Variants in COP1 observed in about 807,000 individuals in gnomAD.
The protein encoded by COP1 is E3 ubiquitin-protein ligase COP1.
In COP1, 24 loss-of-function variants were observed where a neutral mutation model predicts 101.3. The ratio of observed to expected loss-of-function variants is 0.24; its 90% CI spans 0.17 to 0.33. The LOEUF (loss-of-function observed/expected upper bound fraction) is 0.33, where lower values mean the gene tolerates loss of function less well. Ranked by LOEUF, COP1 falls within the 10% of genes least tolerant of loss-of-function variation. The pLI is 1.00. For missense variants in COP1, 663 were observed against 906.2 expected (o/e 0.73, Z 3.45); for synonymous variants, 347 against 341.9 (o/e 1.01, Z -0.17).
At chr1:175,999,146 A>G (rs1490865736) in intron 15 of COP1, among the ~76,000 whole-genome samples, 1 of 152,128 alleles carries the variant, frequency 6.6e-6, no homozygotes, top group Non-Finnish European at 1.5e-5. Flanking sequence ...AAAATGTACA[A>G]TTAAATTATT....
chr1:176,109,026 C>T (rs768124134), intron 9 of COP1, among the ~76,000 whole-genome samples: 6 of 151,912 alleles, frequency 3.9e-5, no homozygotes, highest in South Asian at 4.2e-4. Context: ...GCTGGAGAAT[C>T]GCTTGAACCC....
chr1:176,038,033 A>G (rs1324049698), intron 14 of COP1, among the ~76,000 whole-genome samples: 5 of 152,244 alleles, frequency 3.3e-5, no homozygotes, highest in Non-Finnish European at 7.3e-5. Flanking sequence ...TTGGCTATGT[A>G]GAAAATCCCA....
intron 15 of COP1, among the ~76,000 whole-genome samples, chr1:175,997,673 G>A (rs1289452735): frequency 6.6e-6 from 1 of 152,194 alleles, no homozygotes; most frequent in Non-Finnish European, 1.5e-5. Context: ...GGCTATCAGA[G>A]AAATGTAAAT....
intron 18 of COP1, among the ~76,000 whole-genome samples, chr1:175,955,405 T>G (rs1650497492): frequency 6.6e-6 from 1 of 152,188 alleles, no homozygotes. Flanking sequence ...GGTGAAATAC[T>G]GAACCCTTTC....
chr1:176,079,669 T>TA (rs1678744194), intron 11 of COP1, among the ~76,000 whole-genome samples: 1 of 149,446 alleles, frequency 6.7e-6, no homozygotes, highest in South Asian at 2.1e-4. Context: ...TTAAAAATAA[T>TA]AAAAAAATAA....
chr1:176,187,782 T>A (rs1402028804), intron 1 of COP1, among the ~76,000 whole-genome samples: 1 of 152,064 alleles, frequency 6.6e-6, no homozygotes, highest in African/African-American at 2.4e-5. Context: ...ATTCACTGAG[T>A]GGCAGAATAC....
chr1:176,003,613 T>C (rs902465272), intron 15 of COP1, among the ~76,000 whole-genome samples: 2 of 152,070 alleles, frequency 1.3e-5, no homozygotes, highest in African/African-American at 4.8e-5. Context: ...AGGGAATCCT[T>C]TCCCCATTGC....
chr1:176,133,637 A>C (rs892285002), intron 8 of COP1, among the ~76,000 whole-genome samples: 3 of 151,950 alleles, frequency 2.0e-5, no homozygotes, highest in Non-Finnish European at 4.4e-5. Context: ...AGAGGCATTC[A>C]ATAAATAGAG....
intron 15 of COP1, among the ~76,000 whole-genome samples, chr1:175,996,159 T>C (rs1244246787): frequency 6.6e-6 from 1 of 152,204 alleles, no homozygotes; most frequent in Non-Finnish European, 1.5e-5. Flanking sequence ...CATGGTTACC[T>C]CAATAGATGC....
chr1:175,983,210 G>A (rs1232044520), intron 18 of COP1, among the ~76,000 whole-genome samples: 2 of 152,174 alleles, frequency 1.3e-5, no homozygotes, highest in East Asian at 1.9e-4. Context: ...AGACTCCTCT[G>A]ATATGGTTTG....
At position 176,188,056 on chromosome 1, in the gene COP1, T is replaced by G. The variant is rs148123410; in HGVS notation, c.408-3364A>C. Among the ~76,000 whole-genome samples, 453 of 152,148 alleles carry G rather than the reference T, an allele frequency of 3.0e-3. 1 individual carries two copies. Among genetic ancestry groups the G allele is most frequent in the African/African-American group, 0.01 (427 of 41,508 alleles). On this transcript the variant is annotated intron_variant, in intron 1 of 19. Coordinates refer to ENST00000367669, the MANE Select transcript of COP1 (RefSeq NM_022457.7). ...ATCCAGAGAGCAGGCACTGCCTGTG[T>G]ATCAGGAATCTAGCCCTCACCAGAC...
intron 9 of COP1, among the ~76,000 whole-genome samples, chr1:176,110,303 C>T (rs1394980250): frequency 6.6e-6 from 1 of 152,308 alleles, no homozygotes; most frequent in African/African-American, 2.4e-5. Context: ...CTAAGAAAGC[C>T]ATACATGAAA....
In COP1 at chr1:176,074,517, C is replaced by T. The variant is rs144623512; in HGVS notation, c.1277+6635G>A. 3.6e-4 allele frequency among the ~76,000 whole-genome samples: 55 copies of T among 152,128 alleles called. No individual in the cohort carries two copies. In the East Asian group the frequency reaches 9.1e-3, roughly 25 times the overall value. ...AAAAAAACGAATGTAGCATGCAAGA[C>T]GGCCCAACCAGAGGTATCTTAAAAA... On this transcript the variant is annotated intron_variant, in intron 11 of 19. Transcript: ENST00000367669.
At chr1:176,144,937 C>T (rs1436337263) in intron 6 of COP1, among the ~76,000 whole-genome samples, 1 of 152,060 alleles carries the variant, frequency 6.6e-6, no homozygotes, top group Non-Finnish European at 1.5e-5. Flanking sequence ...AGAAAAATGT[C>T]TTCATGACCA....
At position 176,110,218 on chromosome 1, in the gene COP1, T is replaced by C. The variant is rs550624962; in HGVS notation, c.1026+6406A>G. ...ATAACATATATCCTTTGATGCAAAGTATATAGGGAGACAAGTACCTATTAA... is the reference window on the plus strand; with the variant it reads ...ATAACATATATCCTTTGATGCAAAGCATATAGGGAGACAAGTACCTATTAA... On this transcript the variant is annotated intron_variant, in intron 9 of 19. Coordinates refer to ENST00000367669, the MANE Select transcript of COP1 (RefSeq NM_022457.7). Among the ~76,000 whole-genome samples, 31 of 152,348 alleles carry C rather than the reference T, an allele frequency of 2.0e-4. 1 individual carries two copies. Among genetic ancestry groups the C allele is most frequent in the Non-Finnish European group, 3.5e-4 (24 of 68,026 alleles).
In COP1 at chr1:176,019,463, AAATAATAATAATAAT is replaced by A. The variant is rs34362717; in HGVS notation, c.1729+8094_1729+8108del. ...GGGCAACAGAGCAAGACTCCATCTCAAATAATAATAATAATAATAATAATAATAATAATAATAATA... is the reference window on the plus strand; with the variant it reads ...GGGCAACAGAGCAAGACTCCATCTCAAATAATAATAATAATAATAATAATA... On this transcript the variant is annotated intron_variant, in intron 15 of 19. Coordinates refer to ENST00000367669, the MANE Select transcript of COP1 (RefSeq NM_022457.7). Among the ~76,000 whole-genome samples, 681 of 132,378 alleles carry A rather than the reference AAATAATAATAATAAT, an allele frequency of 5.1e-3. 4 individuals carry two copies. The highest frequency in any genetic ancestry group is 0.019 in the Middle Eastern group (5 of 260). 86.8% of individuals were successfully genotyped at this position (132,378 alleles called of 152,430 possible). A position where few individuals can be genotyped will look rare whatever the true frequency, so the allele number is the denominator to read the frequency against.
At chr1:176,162,764 G>T in intron 5 of COP1, 105 bp downstream of exon 5, 1 of 913,878 alleles carries the variant, frequency 1.1e-6, no homozygotes, top group Non-Finnish European at 1.6e-6. Context: ...GAGTAAAAAT[G>T]AATGGATTAG....
intron 11 of COP1, among the ~76,000 whole-genome samples, chr1:176,073,690 A>G (rs760766166): frequency 6.6e-6 from 1 of 152,174 alleles, no homozygotes; most frequent in African/African-American, 2.4e-5. Flanking sequence ...TACCTTGTCT[A>G]TTGTTTAATA....
At chr1:176,019,246 C>T (rs976867685) in intron 15 of COP1, among the ~76,000 whole-genome samples, 2 of 151,516 alleles carry the variant, frequency 1.3e-5, no homozygotes, top group Admixed American at 6.6e-5. Context: ...GGGCGGATCA[C>T]GAGGTCAGGA....
Sources: gnomAD v4.1 joint callset for allele counts (sites outside exome capture counted in the v4.1 genomes callset) on GRCh38, gnomAD v4.1.1 for gene constraint, MANE v1.5 for transcripts, NCBI Gene and HGNC (gene_info 2026-07-23, HGNC 2026-07-21) for gene names.